Variants in GPR107 observed in about 807,000 individuals in gnomAD.
GPR107 encodes the protein protein GPR107.
A neutral mutation model predicts 75.5 loss-of-function variants in GPR107; 31 were observed. That is an observed-to-expected ratio of 0.41 (90% confidence interval 0.31 to 0.55). The LOEUF is 0.55. Ranked by LOEUF, GPR107 falls within the 20% of genes least tolerant of loss-of-function variation. The pLI, the probability that GPR107 is intolerant of heterozygous loss-of-function variation, is 0.26. For missense variants in GPR107, 572 were observed against 665.7 expected, an observed-to-expected ratio of 0.86 and a Z score of 1.55; for synonymous variants, 267 against 251.3, an observed-to-expected ratio of 1.06 and a Z score of -0.59.
At chr9:130,133,815 C>T (rs140937826) in intron 17 of GPR107, among the ~76,000 whole-genome samples, 2 of 152,268 alleles carry the variant, frequency 1.3e-5, no homozygotes, top group African/African-American at 2.4e-5. Flanking sequence ...AGAAAGGTTC[C>T]GGCTTGGGGG....
chr9:130,135,545 A>G lies in GPR107; in HGVS notation c.*424A>G, dbSNP rs1831935836. ...CTGTCTGATGCTTTAGGAAATGTCTACTGAGGACCCTGGGACTTAAGAAGA... is the reference window on the plus strand; with the variant it reads ...CTGTCTGATGCTTTAGGAAATGTCTGCTGAGGACCCTGGGACTTAAGAAGA... On this transcript the variant is annotated 3_prime_UTR_variant, in exon 18 of 18. Transcript: ENST00000347136. 1.3e-5 allele frequency: 2 copies of G among 157,708 alleles called. No homozygotes were observed. Among genetic ancestry groups the G allele is most frequent in the African/African-American group, 4.8e-5 (2 of 41,448 alleles). 9.8% of individuals were successfully genotyped at this position (157,708 alleles called of 1,614,324 possible).
At chr9:130,133,423 G>C (rs557972078) in intron 17 of GPR107, among the ~76,000 whole-genome samples, 1 of 152,188 alleles carries the variant, frequency 6.6e-6, no homozygotes, top group African/African-American at 2.4e-5. Flanking sequence ...GTGATTACTG[G>C]AGTGTTTCTG....
chr9:130,088,263 G>A (rs989817371), intron 7 of GPR107, among the ~76,000 whole-genome samples: 2 of 152,036 alleles, frequency 1.3e-5, no homozygotes, highest in Admixed American at 1.3e-4. Flanking sequence ...GCTTTTTCTC[G>A]GACAGATCAG....
chr9:130,079,576 A>T, intron 4 of GPR107, 54 bp from the exon 5 acceptor site: 1 of 1,528,304 alleles, frequency 6.5e-7, no homozygotes, highest in African/African-American at 1.4e-5. Context: ...CAGCGTGCTC[A>T]GTGGCCAGGA....
Position 130,132,614 on chromosome 9 carries a change from A to C in GPR107, c.1563-2411A>C, listed in dbSNP as rs868986040. ...CCAGTCTCGCCAACATGGTGAAACC[A>C]CATCTCTACCAAAAATACAAAAGTT... On this transcript the variant is annotated intron_variant, in intron 17 of 17. Transcript: ENST00000347136. Among the ~76,000 whole-genome samples the C allele has an allele frequency of 9.2e-5, 14 of 152,160 alleles. 1 individual carries two copies. Among genetic ancestry groups the C allele is most frequent in the South Asian group, 8.3e-4 (4 of 4,822 alleles).
Position 130,086,448 on chromosome 9 carries a change from A to G in GPR107, c.593A>G (p.His198Arg), listed in dbSNP as rs752670723. 6 of 1,556,694 alleles carry G rather than the reference A, an allele frequency of 3.9e-6. No individual in the cohort carries two copies. In the East Asian group the frequency reaches 6.7e-5, roughly 17 times the overall value. Residue 198 changes from histidine (H) to arginine (R), a missense_variant, in exon 7 of 18, where the codon CAT becomes CGT. Physicochemically the swap from His to Arg is conservative, Grantham distance 29. Transcript: ENST00000347136. ...KAMGEKSFSV[H>R]NNGGAVSFQF... ...ATGGGAGAGAAATCCTTTTCTGTTC[A>G]TAATAATGGTGGGGCAGTGTCATTT...
At chr9:130,132,884 ACTGCC>A (rs1831862960) in intron 17 of GPR107, 1 of 151,650 alleles carries the variant, frequency 6.6e-6, no homozygotes, top group Admixed American at 6.6e-5. Context: ...GCACTCCCTC[ACTGCC>A]CTGGGAAATG....
intron 13 of GPR107, among the ~76,000 whole-genome samples, chr9:130,106,760 G>A (rs796748391): frequency 3.9e-4 from 59 of 152,062 alleles, no homozygotes; most frequent in African/African-American, 1.4e-3. Flanking sequence ...GGCAAATTAC[G>A]GAGGATTTAG....
rs1046292213 is a variant in GPR107, at chr9:130,112,115, C to A, written c.1306+4576C>A. ...ACACCGTAAATTTAATTAACAGTCT[C>A]TGCTGCTCACCATCCTTTTTTTGGG... is the stretch of plus-strand genomic sequence containing the variant. On this transcript the variant is annotated intron_variant, in intron 14 of 17. Transcript: ENST00000347136. The surrounding 1 kb of genome is among the most constrained non-coding windows in gnomAD (Gnocchi z 4.0). Among the ~76,000 whole-genome samples, 1 of 152,250 alleles carries A rather than the reference C, an allele frequency of 6.6e-6. No homozygotes were observed. The highest frequency in any genetic ancestry group is 1.5e-5 in the Non-Finnish European group (1 of 68,042).
chr9:130,061,105 T>G (rs1418623203), intron 1 of GPR107, among the ~76,000 whole-genome samples: 3 of 152,192 alleles, frequency 2.0e-5, no homozygotes, highest in African/African-American at 7.2e-5. Flanking sequence ...TCTTACTCAT[T>G]CAACAAATAC....
intron 1 of GPR107, among the ~76,000 whole-genome samples, chr9:130,074,272 T>C (rs1025989975): frequency 6.6e-6 from 1 of 152,174 alleles, no homozygotes; most frequent in Non-Finnish European, 1.5e-5. Flanking sequence ...ATTTAGTTTA[T>C]GCTGTTTCTG....
rs186406826 is a variant in GPR107, at chr9:130,068,637, C to T, written c.142-6999C>T. ...GACTGAAAGCAGTTTAATATGAAGT[C>T]GGTGCAGAAGTTCTGACATTTAGTT... On this transcript the variant is annotated intron_variant, in intron 1 of 17. Transcript: ENST00000347136. Among the ~76,000 whole-genome samples the T allele has an allele frequency of 3.2e-4, 49 of 151,924 alleles. 1 individual carries two copies. Among genetic ancestry groups the T allele is most frequent in the Middle Eastern group, 3.4e-3 (1 of 294 alleles).
intron 9 of GPR107, among the ~76,000 whole-genome samples, chr9:130,098,147 T>G (rs887595028): frequency 6.6e-6 from 1 of 152,102 alleles, no homozygotes; most frequent in Non-Finnish European, 1.5e-5. Flanking sequence ...CCTCCCTAAG[T>G]GTGGGATTAC....
chr9:130,069,655 G>A (rs888633199), intron 1 of GPR107, among the ~76,000 whole-genome samples: 4 of 152,114 alleles, frequency 2.6e-5, no homozygotes, highest in Non-Finnish European at 5.9e-5. Context: ...AGGTCCTACA[G>A]ATATTATTGG....
rs1410643124 is a variant in GPR107, at chr9:130,053,910, C to T, written c.-23C>T. ...CCCCGGACGTGGGCGGGAGAGGAAG[C>T]GGCTGGTGATGCTGGAACAAACATG... On this transcript the variant is annotated 5_prime_UTR_variant, in exon 1 of 18. Coordinates refer to ENST00000347136, the MANE Select transcript of GPR107 (RefSeq NM_020960.5). 6.4e-7 allele frequency: 1 copy of T among 1,553,428 alleles called. No homozygotes were observed. The highest frequency in any genetic ancestry group is 1.9e-5 in the Admixed American group (1 of 51,794).
At chr9:130,110,575 A>T (rs1173069693) in intron 14 of GPR107, 1 of 638,760 alleles carries the variant, frequency 1.6e-6, no homozygotes, top group Non-Finnish European at 2.9e-6. Flanking sequence ...TTTTCCCTGA[A>T]TTGATTGAGG....
At chr9:130,096,084 A>G (rs1482710685) in intron 9 of GPR107, among the ~76,000 whole-genome samples, 1 of 152,142 alleles carries the variant, frequency 6.6e-6, no homozygotes, top group African/African-American at 2.4e-5. Context: ...AGCCGAGGTC[A>G]GTGAGTATTC....
chr9:130,056,221 G>T (rs1048567437), intron 1 of GPR107, among the ~76,000 whole-genome samples: 2 of 151,784 alleles, frequency 1.3e-5, no homozygotes, highest in African/African-American at 4.8e-5. Flanking sequence ...AGAGGCTGAG[G>T]TGGGTGGATC....
chr9:130,101,003 T>G, intron 11 of GPR107, 103 bp from the exon 12 acceptor site: 2 of 771,336 alleles, frequency 2.6e-6, no homozygotes, highest in Admixed American at 2.1e-5. Flanking sequence ...GCTGCCCGTC[T>G]TTTGTAAGAA....
Sources: allele counts gnomAD v4.1 joint callset (sites outside exome capture counted in the v4.1 genomes callset), GRCh38; gene constraint gnomAD v4.1.1; non-coding constraint Gnocchi (gnomAD v3.1); transcripts MANE v1.5; gene names NCBI Gene and HGNC (gene_info 2026-07-23, HGNC 2026-07-21).